Variants in LRRTM4 observed in about 807,000 individuals in gnomAD.
The protein encoded by LRRTM4 is leucine rich repeat transmembrane neuronal 4.
Under a neutral mutation model 47.6 loss-of-function variants are expected in LRRTM4, and 25 were observed. That is an observed-to-expected ratio of 0.53 (90% CI 0.38 to 0.73). The LOEUF (loss-of-function observed/expected upper bound fraction) is 0.73, where lower values mean the gene tolerates loss of function less well. Among genes scored for constraint, LRRTM4 ranks in the 30% least tolerant of loss-of-function variants. The pLI, the probability that LRRTM4 is intolerant of heterozygous loss-of-function variation, is 0.00. For synonymous variants in LRRTM4, 311 were observed against 269.5 expected (o/e 1.15, Z -1.51); for missense variants, 638 against 713.4 (o/e 0.89, Z 1.20).
chr2:76,797,699 G>C (rs1377863188), intron 3 of LRRTM4, among the ~76,000 whole-genome samples: 12 of 151,326 alleles, frequency 7.9e-5, no homozygotes, highest in Non-Finnish European at 2.9e-5. Flanking sequence ...AGACCCATCA[G>C]TGTGCTGTAT....
chr2:77,015,912 T>A (rs562509476), intron 3 of LRRTM4, among the ~76,000 whole-genome samples: 3 of 151,638 alleles, frequency 2.0e-5, no homozygotes, highest in South Asian at 4.2e-4. Context: ...AGGTCAGGAG[T>A]TCGAGACCAG....
At chr2:77,489,815 C>T (rs1232609784) in intron 3 of LRRTM4, among the ~76,000 whole-genome samples, 1 of 152,190 alleles carries the variant, frequency 6.6e-6, no homozygotes, top group Non-Finnish European at 1.5e-5. Context: ...ATATTTGCAA[C>T]ACAAAATATC....
intron 3 of LRRTM4, among the ~76,000 whole-genome samples, chr2:76,758,584 G>C (rs1157133924): frequency 6.6e-6 from 1 of 152,112 alleles, no homozygotes; most frequent in Non-Finnish European, 1.5e-5. Flanking sequence ...TTTTTATTCT[G>C]ATTGAATATA....
chr2:76,856,533 A>G (rs12620975), intron 3 of LRRTM4, among the ~76,000 whole-genome samples: 19,557 of 152,028 alleles, frequency 0.13, 1,823 homozygotes, highest in East Asian at 0.48. Context: ...AGGAATCTCA[A>G]TTAAAGAATT....
intron 3 of LRRTM4, among the ~76,000 whole-genome samples, chr2:76,936,725 C>A (rs1674963685): frequency 6.6e-6 from 1 of 151,330 alleles, no homozygotes. Context: ...GAGGCCAAGG[C>A]AGGTGGATCA....
intron 3 of LRRTM4, among the ~76,000 whole-genome samples, chr2:77,233,087 G>T (rs77880797): frequency 0.029 from 4,462 of 152,206 alleles, 86 homozygotes; most frequent in African/African-American, 0.062. Flanking sequence ...GTTTTCTAGG[G>T]TGATTCACAC....
At chr2:76,868,265 AAATT>A (rs1672520743) in intron 3 of LRRTM4, among the ~76,000 whole-genome samples, 1 of 152,210 alleles carries the variant, frequency 6.6e-6, no homozygotes, top group African/African-American at 2.4e-5. Context: ...TTGTTTGGTA[AAATT>A]AATAGTTTAT....
At chr2:77,465,650 A>T (rs1676954808) in intron 3 of LRRTM4, among the ~76,000 whole-genome samples, 1 of 152,172 alleles carries the variant, frequency 6.6e-6, no homozygotes, top group East Asian at 1.9e-4. Context: ...AGAGGAATCT[A>T]AGATTCTCCA....
intron 3 of LRRTM4, among the ~76,000 whole-genome samples, chr2:77,106,259 G>T (rs1042108469): frequency 2.6e-5 from 4 of 152,100 alleles, no homozygotes; most frequent in Non-Finnish European, 5.9e-5. Context: ...GTAGGTATTG[G>T]TTCCTTGTCT....
chr2:77,120,147 G>A (rs1671488998), intron 3 of LRRTM4, among the ~76,000 whole-genome samples: 1 of 151,760 alleles, frequency 6.6e-6, no homozygotes, highest in African/African-American at 2.4e-5. Flanking sequence ...TATAAGATTG[G>A]AAAATGGTTT....
chr2:77,201,131 A>C (rs942911234), intron 3 of LRRTM4, among the ~76,000 whole-genome samples: 1 of 152,182 alleles, frequency 6.6e-6, no homozygotes, highest in African/African-American at 2.4e-5. Flanking sequence ...AAAATAGGAA[A>C]TATTCAAAGT....
intron 3 of LRRTM4, among the ~76,000 whole-genome samples, chr2:77,353,349 C>A (rs927185651): frequency 2.6e-5 from 4 of 152,254 alleles, no homozygotes; most frequent in Non-Finnish European, 5.9e-5. Context: ...TGTGGGGTAG[C>A]CCTGCTACAA....
intron 3 of LRRTM4, among the ~76,000 whole-genome samples, chr2:77,477,935 GAA>G (rs1677494305): frequency 7.3e-6 from 1 of 136,840 alleles, no homozygotes; most frequent in African/African-American, 2.8e-5. Flanking sequence ...AAGAAAGAAA[GAA>G]AGAAAGAAAG....
chr2:77,089,469 G>A (rs565082009), intron 3 of LRRTM4, among the ~76,000 whole-genome samples: 25 of 147,704 alleles, frequency 1.7e-4, no homozygotes, highest in Middle Eastern at 3.5e-3. Context: ...CCTTATTTCC[G>A]TGCCCCGACC....
At chr2:77,439,092 TA>T (rs903810145) in intron 3 of LRRTM4, among the ~76,000 whole-genome samples, 3 of 152,170 alleles carry the variant, frequency 2.0e-5, no homozygotes, top group Non-Finnish European at 4.4e-5. Context: ...CAGAGCAGTG[TA>T]AAGCTCAGAA....
chr2:76,751,296 T>C (rs1672841173), intron 3 of LRRTM4, among the ~76,000 whole-genome samples: 1 of 152,214 alleles, frequency 6.6e-6, no homozygotes, highest in Non-Finnish European at 1.5e-5. Context: ...GTTTCTGATT[T>C]GTTGTTGTTT....
intron 3 of LRRTM4, among the ~76,000 whole-genome samples, chr2:76,844,448 T>C (rs368841729): frequency 3.4e-4 from 51 of 152,112 alleles, no homozygotes; most frequent in African/African-American, 1.2e-3. Context: ...ATAATTGCTT[T>C]ATTAATATAC....
intron 3 of LRRTM4, among the ~76,000 whole-genome samples, chr2:76,786,296 T>C (rs1183872279): frequency 6.6e-6 from 1 of 152,018 alleles, no homozygotes; most frequent in Non-Finnish European, 1.5e-5. Flanking sequence ...ATGGCGGAGA[T>C]TGTATTGGTT....
intron 3 of LRRTM4, among the ~76,000 whole-genome samples, chr2:76,973,681 C>T (rs1573388587): frequency 6.6e-6 from 1 of 151,702 alleles, no homozygotes; most frequent in South Asian, 2.1e-4. Context: ...GGCGAATAAC[C>T]CATTTACGTA....
Sources: gnomAD v4.1 joint callset for allele counts (sites outside exome capture counted in the v4.1 genomes callset) on GRCh38, gnomAD v4.1.1 for gene constraint, MANE v1.5 for transcripts, NCBI Gene and HGNC (gene_info 2026-07-23, HGNC 2026-07-21) for gene names.